SESTD1: variants seen among roughly 807,000 people sequenced by gnomAD.
The protein encoded by SESTD1 is SEC14 and spectrin domain containing 1, also known as SEC14 domain and spectrin repeat-containing protein 1.
SESTD1 carries 43 observed loss-of-function variants against 101.7 expected under a neutral mutation model. The observed-to-expected ratio is 0.42, with a 90% CI of 0.33 to 0.55. SESTD1 has a LOEUF of 0.55. SESTD1 is among the 20% of genes least tolerant of loss of function. The probability of loss-of-function intolerance (pLI) is 0.07; values close to 1 mark genes in which losing one functional copy is unlikely to be tolerated. For missense variants in SESTD1, 647 were observed against 815.1 expected, an observed-to-expected ratio of 0.79 and a Z score of 2.51; for synonymous variants, 283 against 286.8, an observed-to-expected ratio of 0.99 and a Z score of 0.13.
intron 9 of SESTD1, among the ~76,000 whole-genome samples, chr2:179,142,488 C>T (rs146815780): frequency 2.0e-5 from 3 of 152,228 alleles, no homozygotes; most frequent in African/African-American, 4.8e-5. Context: ...GGTGAAGTAT[C>T]GTGAATGGTC....
rs183924752 is a variant in SESTD1 at position 179,174,274 on chromosome 2, C to T, written c.256-2041G>A. On this transcript the variant is annotated intron_variant, in intron 4 of 17. Transcript: ENST00000428443. ...CAATGAATGACTTCATATGTAGAAA[C>T]TGTTTGACTAGAAGTAAAAAGGCCA... The T allele has an allele frequency of 3.2e-3, 1,189 of 370,146 alleles. 3 individuals are homozygous for T. The highest frequency in any genetic ancestry group is 5.3e-3 in the Non-Finnish European group (987 of 185,200). The allele number at this position is 370,146 out of a possible 1,614,324, so 22.9% of individuals were successfully genotyped here. A position where few individuals can be genotyped will look rare whatever the true frequency, so the allele number is the denominator to read the frequency against.
chr2:179,176,140 C>T (rs2046008556), intron 4 of SESTD1, among the ~76,000 whole-genome samples: 1 of 152,158 alleles, frequency 6.6e-6, no homozygotes, highest in African/African-American at 2.4e-5. Flanking sequence ...CAAGAGCTCC[C>T]AGGTGAGTCT....
At chr2:179,232,755 CAAA>C in intron 1 of SESTD1, among the ~76,000 whole-genome samples, 1 of 152,054 alleles carries the variant, frequency 6.6e-6, no homozygotes, top group Admixed American at 6.6e-5. Flanking sequence ...GTCGGAAAAA[CAAA>C]ATACAAAAGA....
intron 9 of SESTD1, 105 bp downstream of exon 9, chr2:179,143,487 G>A: frequency 6.6e-6 from 6 of 915,870 alleles, no homozygotes; most frequent in Non-Finnish European, 8.3e-6. Context: ...AGTTTGATGT[G>A]TTCTAAGGTT....
chr2:179,264,057 C>T (rs1389168114), intron 1 of SESTD1: 1 of 152,324 alleles, frequency 6.6e-6, no homozygotes, highest in Non-Finnish European at 1.5e-5. Context: ...CAGGGAGCCA[C>T]ATCTGGTTCC....
chr2:179,139,051 C>T (rs565293090), intron 9 of SESTD1, among the ~76,000 whole-genome samples: 2 of 151,848 alleles, frequency 1.3e-5, no homozygotes, highest in Non-Finnish European at 2.9e-5. Context: ...CTTCCTTTAC[C>T]TCTCTGAATA....
chr2:179,217,191 C>A (rs1022627478), intron 1 of SESTD1, among the ~76,000 whole-genome samples: 13 of 152,144 alleles, frequency 8.5e-5, no homozygotes, highest in African/African-American at 3.1e-4. Context: ...TCAGAGTGAA[C>A]AGGCAAACTA....
At chr2:179,123,029 T>G (rs1370010866) in intron 12 of SESTD1, among the ~76,000 whole-genome samples, 2 of 152,228 alleles carry the variant, frequency 1.3e-5, no homozygotes, top group Admixed American at 1.3e-4. Context: ...GTTCTCTGCC[T>G]TAAGTTCCTG....
At chr2:179,136,112 AT>A (rs2045137279) in intron 9 of SESTD1, among the ~76,000 whole-genome samples, 1 of 152,168 alleles carries the variant, frequency 6.6e-6, no homozygotes, top group Non-Finnish European at 1.5e-5. Context: ...TGAATTCTGA[AT>A]TCTCATTCTG....
chr2:179,151,490 T>C (rs773787035), intron 5 of SESTD1, 99 bp from the exon 6 acceptor site: 56 of 662,904 alleles, frequency 8.4e-5, no homozygotes, highest in Non-Finnish European at 1.2e-4. Context: ...TGCAATATTG[T>C]TTCCAACATG....
At chr2:179,232,156 T>C (rs1395638068) in intron 1 of SESTD1, among the ~76,000 whole-genome samples, 1 of 152,040 alleles carries the variant, frequency 6.6e-6, no homozygotes, top group African/African-American at 2.4e-5. Context: ...GTAGTAATAA[T>C]GCAAACACTC....
chr2:179,199,872 A>G lies in SESTD1; in HGVS notation c.-25-8006T>C, dbSNP rs539211678. Reference sequence around the variant, plus strand: ...CCCTTTGAAAACTGGCACAAGACAGAGATGCCCTCTCTCACCACTCCTATT... The same window carrying G: ...CCCTTTGAAAACTGGCACAAGACAGGGATGCCCTCTCTCACCACTCCTATT... On this transcript the variant is annotated intron_variant, in intron 1 of 17. Coordinates refer to ENST00000428443, the MANE Select transcript of SESTD1 (RefSeq NM_178123.5). Among the ~76,000 whole-genome samples, 40 of 152,260 alleles carry G rather than the reference A, an allele frequency of 2.6e-4. No individual in the cohort carries two copies. In the South Asian group the frequency reaches 6.4e-3, roughly 25 times the overall value.
intron 1 of SESTD1, among the ~76,000 whole-genome samples, chr2:179,255,605 A>G (rs1559164569): frequency 6.6e-6 from 1 of 152,250 alleles, no homozygotes; most frequent in Non-Finnish European, 1.5e-5. Flanking sequence ...TAACGAAAGA[A>G]GCCATCTCCA....
At chr2:179,162,736 C>T (rs1327163342) in intron 5 of SESTD1, among the ~76,000 whole-genome samples, 1 of 151,464 alleles carries the variant, frequency 6.6e-6, no homozygotes, top group Non-Finnish European at 1.5e-5. Context: ...GTCTGTAATC[C>T]TAGCACTTTG....
chr2:179,174,369 C>T (rs1393003391), intron 4 of SESTD1: 5 of 434,976 alleles, frequency 1.1e-5, no homozygotes, highest in South Asian at 3.5e-5. Flanking sequence ...GAAAAGAAAT[C>T]GCAAGAGGGG....
At chr2:179,154,816 A>G (rs2045596377) in intron 5 of SESTD1, among the ~76,000 whole-genome samples, 1 of 152,226 alleles carries the variant, frequency 6.6e-6, no homozygotes, top group Non-Finnish European at 1.5e-5. Context: ...ACCAATAATA[A>G]GAGAATTACA....
At chr2:179,240,169 A>G (rs75493223) in intron 1 of SESTD1, among the ~76,000 whole-genome samples, 6,941 of 152,296 alleles carry the variant, frequency 0.046, 219 homozygotes, top group Non-Finnish European at 0.073. Context: ...ATGGTGTAAC[A>G]GAGACACACA....
intron 15 of SESTD1, 140 bp from the exon 16 acceptor site, chr2:179,115,396 C>T (rs376465531): frequency 1.6e-6 from 1 of 609,852 alleles, no homozygotes; most frequent in East Asian, 2.9e-5. Context: ...GCACTTATTA[C>T]TACAAATCAT....
chr2:179,239,110 G>A (rs2047111832), intron 1 of SESTD1, among the ~76,000 whole-genome samples: 1 of 152,098 alleles, frequency 6.6e-6, no homozygotes, highest in Non-Finnish European at 1.5e-5. Context: ...TCTGACAAAA[G>A]TAAACACTTG....
Sources: gnomAD v4.1 joint callset for allele counts (sites outside exome capture counted in the v4.1 genomes callset) on GRCh38, gnomAD v4.1.1 for gene constraint, MANE v1.5 for transcripts, NCBI Gene and HGNC (gene_info 2026-07-23, HGNC 2026-07-21) for gene names.